BRSK2: variants seen among roughly 807,000 people sequenced by gnomAD.
BRSK2 encodes the protein serine/threonine-protein kinase BRSK2.
BRSK2 carries 19 observed loss-of-function variants against 83.3 expected under a neutral mutation model. The observed-to-expected ratio is 0.23, with a 90% confidence interval of 0.16 to 0.33. The LOEUF (loss-of-function observed/expected upper bound fraction) is 0.33, where lower values mean the gene tolerates loss of function less well. BRSK2 is among the 10% of genes least tolerant of loss of function. The pLI is 1.00. For missense variants in BRSK2, 798 were observed against 1,042.3 expected, an observed-to-expected ratio of 0.77 and a Z score of 3.23; for synonymous variants, 519 against 435.4, an observed-to-expected ratio of 1.19 and a Z score of -2.39.
At chr11:1,424,775 G>A (rs908709034) in intron 1 of BRSK2, among the ~76,000 whole-genome samples, 2 of 151,892 alleles carry the variant, frequency 1.3e-5, no homozygotes, top group South Asian at 2.1e-4. Flanking sequence ...CCTGCTGGGG[G>A]CTCTGGACCT....
At chr11:1,398,941 C>T (rs923387007) in intron 1 of BRSK2, among the ~76,000 whole-genome samples, 6 of 152,214 alleles carry the variant, frequency 3.9e-5, no homozygotes, top group South Asian at 2.1e-4. Context: ...CCTTGGCACC[C>T]GCGGCCGTCC....
intron 1 of BRSK2, among the ~76,000 whole-genome samples, chr11:1,400,871 G>A (rs1238948035): frequency 1.3e-5 from 2 of 152,222 alleles, no homozygotes; most frequent in African/African-American, 2.4e-5. Flanking sequence ...CAGGCTCCTC[G>A]TGGTGCTGGG....
chr11:1,446,209 A>G (rs1184722843), intron 12 of BRSK2, among the ~76,000 whole-genome samples: 1 of 109,834 alleles, frequency 9.1e-6, no homozygotes, highest in Non-Finnish European at 1.7e-5. Flanking sequence ...GCTAGACTGC[A>G]CTTGGTTGAG....
chr11:1,428,765 AGTGT>A (rs924328222), intron 1 of BRSK2, among the ~76,000 whole-genome samples: 1 of 151,888 alleles, frequency 6.6e-6, no homozygotes, highest in African/African-American at 2.4e-5. Flanking sequence ...TATGTGCACG[AGTGT>A]GTGTGCACTG....
In BRSK2 at chr11:1,454,918, A is replaced by C. The variant is rs915353306; in HGVS notation, c.1668+310A>C. ...GCAGCTGGCACGTGGGGCAGAAGGA[A>C]GGCTCCAGCTGGGTGGGTCTCAGAG... On this transcript the variant is annotated intron_variant, in intron 16 of 19. Transcript: ENST00000528841. This position sits in a 1 kb window ranked among gnomAD's most constrained non-coding sequence, Gnocchi z 5.2. Among the ~76,000 whole-genome samples, 3 of 152,098 alleles carry C rather than the reference A, an allele frequency of 2.0e-5. No homozygotes were observed. Among genetic ancestry groups the C allele is most frequent in the African/African-American group, 7.2e-5 (3 of 41,400 alleles).
At chr11:1,457,152 T>TCGGCCCTGGACAGGCCA in intron 18 of BRSK2, 1 of 1,102,996 alleles carries the variant, frequency 9.1e-7, no homozygotes, top group Non-Finnish European at 1.3e-6. Flanking sequence ...CCCACAGGTC[T>TCGGCCCTGGACAGGCCA]CGGCCCTGGA....
intron 1 of BRSK2, among the ~76,000 whole-genome samples, chr11:1,403,853 G>T (rs1216979277): frequency 6.6e-6 from 1 of 152,156 alleles, no homozygotes; most frequent in East Asian, 1.9e-4. Flanking sequence ...TTCTCTGGGG[G>T]AAACACGTTG....
At position 1,423,724 on chromosome 11, in the gene BRSK2, T is replaced by A. The variant is rs1468756719; in HGVS notation, c.92-12316T>A. Among the ~76,000 whole-genome samples the A allele has an allele frequency of 6.8e-6, 1 of 147,134 alleles. No homozygotes were observed. Among genetic ancestry groups the A allele is most frequent in the Non-Finnish European group, 1.5e-5 (1 of 66,562 alleles). On this transcript the variant is annotated intron_variant, in intron 1 of 19. Coordinates refer to ENST00000528841, the MANE Select transcript of BRSK2 (RefSeq NM_001256627.2). This position sits in a 1 kb window ranked among gnomAD's most constrained non-coding sequence, Gnocchi z 6.5. ...GGCCTCCCCCGCTGGGCGTTCCGGG[T>A]GCCCCAGGCCTCCCCCGCTGGGCGT...
At chr11:1,453,139 G>A (rs1846010635) in intron 15 of BRSK2, among the ~76,000 whole-genome samples, 1 of 152,234 alleles carries the variant, frequency 6.6e-6, no homozygotes, top group South Asian at 2.1e-4. Context: ...AGACTCAACA[G>A]GCGACTGATT....
In BRSK2 at chr11:1,434,399, G is replaced by A. The variant is rs11027218; in HGVS notation, c.92-1641G>A. ...GGGGTCCCCTGTGATAATATGGGCC[G>A]GCTCTGCGTGTCTGGGGGCACCTAG... is the stretch of plus-strand genomic sequence containing the variant. On this transcript the variant is annotated intron_variant, in intron 1 of 19. Transcript: ENST00000528841. Among the ~76,000 whole-genome samples the A allele has an allele frequency of 7.3e-3, 1,051 of 143,620 alleles. 13 individuals carry two copies. The highest frequency in any genetic ancestry group is 9.8e-3 in the Non-Finnish European group (643 of 65,646). 94.2% of individuals were successfully genotyped at this position (143,620 alleles called of 152,430 possible). A position where few individuals can be genotyped will look rare whatever the true frequency, so the allele number is the denominator to read the frequency against.
chr11:1,429,528 G>A (rs1390990258), intron 1 of BRSK2, among the ~76,000 whole-genome samples: 4 of 121,768 alleles, frequency 3.3e-5, no homozygotes, highest in Non-Finnish European at 5.4e-5. Flanking sequence ...ATCCTGCTGT[G>A]CCCAGCAGTG....
chr11:1,440,654 G>GC (rs1189813641), intron 3 of BRSK2, 134 bp from the exon 4 acceptor site: 50 of 1,178,954 alleles, frequency 4.2e-5, no homozygotes, highest in Admixed American at 7.9e-5. Context: ...CCTCTCAGCT[G>GC]CCCCCCCAGC....
In BRSK2 at chr11:1,445,579, A is replaced by C. The variant is rs1383500273; in HGVS notation, c.986A>C (p.Gln329Pro). 1 of 1,576,618 alleles carries C rather than the reference A, an allele frequency of 6.3e-7. No homozygotes were observed. ...LQDLLSEEENQEKMIYFLLLD... is the reference protein window; with the variant it reads ...LQDLLSEEENPEKMIYFLLLD... The stretch of plus-strand genomic sequence containing the variant: ...CCTCTCGCCCGCTGTAGGGAGAACC[A>C]GGAGAAGATGATTTACTTCCTCCTC... The change falls in exon 11 of 20, where the codon CAG becomes CCG. Residue 329 changes from glutamine (Q) to proline (P), a missense_variant. Coordinates refer to ENST00000528841, the MANE Select transcript of BRSK2 (RefSeq NM_001256627.2).
At chr11:1,442,093 G>T (rs988935635) in intron 4 of BRSK2, among the ~76,000 whole-genome samples, 22 of 149,688 alleles carry the variant, frequency 1.5e-4, no homozygotes, top group African/African-American at 4.9e-4. Context: ...TGGGCAGTGT[G>T]TCGGGAAGTT....
In BRSK2 at chr11:1,460,631, G is replaced by A. The variant is rs1189934116; in HGVS notation, c.2119G>A (p.Ala707Thr). 18 of 1,529,512 alleles carry A rather than the reference G, an allele frequency of 1.2e-5. No individual in the cohort carries two copies. Among genetic ancestry groups the A allele is most frequent in the African/African-American group, 1.4e-5 (1 of 72,474 alleles). The allele number at this position is 1,529,512 out of a possible 1,614,324, so 94.7% of individuals were successfully genotyped here. ...CGGCCCACTCGGTGACTCCGCGGCC[G>A]CTGGCCCTGGCCCCGGAGGGGACGC... ...AHGPLGDSAA[A>T]GPGPGGDAEY... is the part of the protein sequence containing the mutation. Residue 707 changes from alanine (A) to threonine (T), a missense_variant, in exon 20 of 20, where the codon GCT becomes ACT. This residue lies in a region of BRSK2 where 455 missense variants were observed against 455.2 expected (regional missense o/e 1.00). Transcript: ENST00000528841.
chr11:1,446,147 G>A (rs886845079), intron 12 of BRSK2, among the ~76,000 whole-genome samples: 2 of 141,144 alleles, frequency 1.4e-5, no homozygotes, highest in African/African-American at 6.0e-5. Context: ...GGACTGGACT[G>A]GGCTAGGCTG....
intron 18 of BRSK2, chr11:1,456,913 C>G: frequency 6.3e-7 from 1 of 1,582,844 alleles, no homozygotes. Context: ...GGACATAGGG[C>G]GCAGCCGCAC....
Position 1,443,095 on chromosome 11 carries a change from C to T in BRSK2, c.531-11C>T, listed in dbSNP as rs1410717550. 17 of 1,534,236 alleles carry T rather than the reference C, an allele frequency of 1.1e-5. No individual in the cohort carries two copies. The highest frequency in any genetic ancestry group is 1.4e-5 in the Non-Finnish European group (16 of 1,145,920). Reference sequence around the variant, plus strand: ...CGGAGCCCCGCCGCTGACCTCTGCCCTTGCCCGCAGGTCCCCCCACTACGC... The same window carrying T: ...CGGAGCCCCGCCGCTGACCTCTGCCTTTGCCCGCAGGTCCCCCCACTACGC... On this transcript the variant is annotated splice_polypyrimidine_tract_variant and intron_variant, in intron 5 of 19. Coordinates refer to ENST00000528841, the MANE Select transcript of BRSK2 (RefSeq NM_001256627.2).
At chr11:1,442,379 T>A in intron 4 of BRSK2, 111 bp from the exon 5 acceptor site, 2 of 743,750 alleles carry the variant, frequency 2.7e-6, no homozygotes, top group Non-Finnish European at 4.7e-6. Flanking sequence ...TTGGCCCTTA[T>A]GTGTGATTGG....
Sources: gnomAD v4.1 joint callset for allele counts (sites outside exome capture counted in the v4.1 genomes callset) on GRCh38, gnomAD v4.1.1 for gene constraint, gnomAD v4.1.1 regional missense constraint, Gnocchi (gnomAD v3.1) non-coding constraint, MANE v1.5 for transcripts, NCBI Gene and HGNC (gene_info 2026-07-23, HGNC 2026-07-21) for gene names.